Variants in COL16A1 observed in about 807,000 individuals in gnomAD.
COL16A1 encodes collagen type XVI alpha 1 chain.
A neutral mutation model predicts 266.3 loss-of-function variants in COL16A1; 189 were observed. The ratio of observed to expected loss-of-function variants is 0.71; its 90% CI spans 0.63 to 0.80. COL16A1 has a LOEUF of 0.80. Among genes scored for constraint, COL16A1 ranks in the 30% least tolerant of loss-of-function variants. The pLI is 0.00. For missense variants in COL16A1, 1,928 were observed against 2,122.4 expected, an observed-to-expected ratio of 0.91 and a Z score of 1.80; for synonymous variants, 740 against 782.3, an observed-to-expected ratio of 0.95 and a Z score of 0.90.
chr1:31,679,312 A>G, intron 42 of COL16A1: 1 of 1,166,268 alleles, frequency 8.6e-7, no homozygotes, highest in Non-Finnish European at 1.2e-6. Context: ...ATGTTGCATG[A>G]ATGAGTGTTG....
chr1:31,661,820 A>G, intron 58 of COL16A1, 116 bp from the exon 59 acceptor site: 8 of 1,150,186 alleles, frequency 7.0e-6, no homozygotes, highest in Non-Finnish European at 8.5e-6. Context: ...TGGAGGGAAG[A>G]ATCCAAGCCT....
intron 49 of COL16A1, among the ~76,000 whole-genome samples, chr1:31,669,579 G>A (rs543275986): frequency 6.6e-5 from 10 of 151,904 alleles, no homozygotes; most frequent in South Asian, 2.1e-4. Flanking sequence ...ATGGCTAGAC[G>A]GACAGATGGC....
chr1:31,692,288 C>T (rs1195035210), intron 16 of COL16A1, among the ~76,000 whole-genome samples, 186 bp downstream of exon 16: 1 of 151,536 alleles, frequency 6.6e-6, no homozygotes, highest in Admixed American at 6.6e-5. Flanking sequence ...TGGCATTTCC[C>T]TCTAGGTCGG....
In COL16A1 at chr1:31,685,001, A is replaced by T. The variant is rs563764602; in HGVS notation, c.2017-145T>A. The T allele has an allele frequency of 6.6e-6, 10 of 1,507,874 alleles. No homozygotes were observed. Among genetic ancestry groups the T allele is most frequent in the Non-Finnish European group, 9.0e-6 (10 of 1,113,688 alleles). 93.4% of individuals were successfully genotyped at this position (1,507,874 alleles called of 1,614,324 possible). A position where few individuals can be genotyped will look rare whatever the true frequency, so the allele number is the denominator to read the frequency against. ...TAGTGAAGCAATCTTGCCCAGGTGC[A>T]GAGCAAAGATTTGTGCCAGACTCTT... On this transcript the variant is annotated intron_variant, in intron 29 of 70. Transcript: ENST00000373672. The surrounding 1 kb of genome is among the most constrained non-coding windows in gnomAD (Gnocchi z 4.0).
chr1:31,664,928 C>T lies in COL16A1; in HGVS notation c.3555+244G>A, dbSNP rs2148680066. On this transcript the variant is annotated intron_variant, in intron 56 of 70. Coordinates refer to ENST00000373672, the MANE Select transcript of COL16A1 (RefSeq NM_001856.4). This position sits in a 1 kb window ranked among gnomAD's most constrained non-coding sequence, Gnocchi z 5.5. Reference sequence around the variant, plus strand: ...TCCCCCCATCACAGCAGACAAGGGCCTGGGCTGCACAGAGGCCGCAGGCAT... The same window carrying T: ...TCCCCCCATCACAGCAGACAAGGGCTTGGGCTGCACAGAGGCCGCAGGCAT... Among the ~76,000 whole-genome samples the T allele has an allele frequency of 6.6e-6, 1 of 152,316 alleles. No individual in the cohort carries two copies. The highest frequency in any genetic ancestry group is 1.9e-4 in the East Asian group (1 of 5,182).
Position 31,656,164 on chromosome 1 carries a change from G to T in COL16A1, c.4101+236C>A, listed in dbSNP as rs1199281712. 6 of 648,948 alleles carry T rather than the reference G, an allele frequency of 9.2e-6. No homozygotes were observed. Among genetic ancestry groups the T allele is most frequent in the African/African-American group, 3.7e-5 (2 of 54,078 alleles). The allele number at this position is 648,948 out of a possible 1,614,324, so 40.2% of individuals were successfully genotyped here. A position where few individuals can be genotyped will look rare whatever the true frequency, so the allele number is the denominator to read the frequency against. On this transcript the variant is annotated intron_variant, in intron 66 of 70. Transcript: ENST00000373672. This position sits in a 1 kb window ranked among gnomAD's most constrained non-coding sequence, Gnocchi z 4.2. The stretch of plus-strand genomic sequence containing the variant: ...GGAGTGCTCGGGAAATGGAAACAAT[G>T]AATGAATCAATCAGTCAATCAGTGA...
intron 17 of COL16A1, 100 bp downstream of exon 17, chr1:31,691,905 G>C: frequency 6.4e-7 from 1 of 1,568,910 alleles, no homozygotes; most frequent in Non-Finnish European, 8.7e-7. Context: ...TCCCCACCCT[G>C]TCTGAGCAAG....
intron 68 of COL16A1, 54 bp from the exon 69 acceptor site, chr1:31,654,097 G>C: frequency 6.4e-7 from 1 of 1,564,644 alleles, no homozygotes; most frequent in African/African-American, 1.4e-5. Context: ...CAGGGACTCA[G>C]AATGACTGCA....
chr1:31,696,052 G>A (rs1644484030), intron 9 of COL16A1, 36 bp downstream of exon 9: 1 of 1,576,754 alleles, frequency 6.3e-7, no homozygotes, highest in Non-Finnish European at 8.7e-7. Context: ...GGCAGACTGA[G>A]GGCAGGTAGG....
chr1:31,691,937 A>G (rs953810024), intron 17 of COL16A1, 68 bp downstream of exon 17: 1 of 1,608,124 alleles, frequency 6.2e-7, no homozygotes, highest in Admixed American at 1.7e-5. Flanking sequence ...GGATTCCCGA[A>G]GGTTAAATCC....
intron 47 of COL16A1, among the ~76,000 whole-genome samples, chr1:31,672,052 T>C (rs890838429): frequency 1.3e-5 from 2 of 152,072 alleles, no homozygotes; most frequent in East Asian, 3.9e-4. Context: ...GGATGTTGGA[T>C]GGTGATGAGT....
chr1:31,665,448 G>C, intron 55 of COL16A1, 135 bp downstream of exon 55: 10 of 1,527,644 alleles, frequency 6.5e-6, no homozygotes, highest in Non-Finnish European at 8.9e-6. Context: ...AATCAGGCCT[G>C]GCCACCCAGG....
rs1308018890 is a variant in COL16A1, at chr1:31,665,631, G to T, written c.3457-13C>A. 1 of 1,613,084 alleles carries T rather than the reference G, an allele frequency of 6.2e-7. No homozygotes were observed. The highest frequency in any genetic ancestry group is 1.1e-5 in the South Asian group (1 of 90,938). On this transcript the variant is annotated splice_polypyrimidine_tract_variant and intron_variant, in intron 54 of 70. Coordinates refer to ENST00000373672, the MANE Select transcript of COL16A1 (RefSeq NM_001856.4). Reference sequence around the variant, plus strand: ...GGCCTTGAAATCCCTAGGGTGAGAAGCAAGGGGCAGTGTGCTGTGCCACCC... The same window carrying T: ...GGCCTTGAAATCCCTAGGGTGAGAATCAAGGGGCAGTGTGCTGTGCCACCC...
At chr1:31,687,269 C>T (rs567228038) in intron 26 of COL16A1, among the ~76,000 whole-genome samples, 1 of 151,378 alleles carries the variant, frequency 6.6e-6, no homozygotes, top group South Asian at 2.1e-4. Context: ...GTAATCCCAG[C>T]TAATTGGGAG....
In COL16A1 at chr1:31,667,568, G is replaced by T. The variant is rs921304014; in HGVS notation, c.3357+7C>A. 1.3e-6 allele frequency: 2 copies of T among 1,592,134 alleles called. No homozygotes were observed. The highest frequency in any genetic ancestry group is 8.5e-7 in the Non-Finnish European group (1 of 1,170,134). On this transcript the variant is annotated splice_region_variant and intron_variant, in intron 52 of 70. Transcript: ENST00000373672. The stretch of plus-strand genomic sequence containing the variant: ...CCTGCATCCAGCCCCACGCCGCTGG[G>T]ACTCACCGGCTCTCCTTTCTCTCCC...
rs370330871 is a variant in COL16A1 at position 31,702,940 on chromosome 1, C to T, written c.-34-713G>A. Among the ~76,000 whole-genome samples, 5 of 152,208 alleles carry T rather than the reference C, an allele frequency of 3.3e-5. No homozygotes were observed. The East Asian group carries it at 9.7e-4, about 29-fold the overall frequency. ...CCCTGATGGATGGGCCCAGATAAAT[C>T]GATGCAGGCTCAGCAAGTGGCCAGC... On this transcript the variant is annotated intron_variant, in intron 1 of 70. Coordinates refer to ENST00000373672, the MANE Select transcript of COL16A1 (RefSeq NM_001856.4).
intron 22 of COL16A1, 49 bp downstream of exon 22, chr1:31,690,318 A>AG (rs1444492114): frequency 1.2e-6 from 2 of 1,611,608 alleles, no homozygotes; most frequent in African/African-American, 2.7e-5. Context: ...ATGTGCAGAA[A>AG]GGGGGTCCCG....
chr1:31,688,390 T>C lies in COL16A1; in HGVS notation c.1803+77A>G, dbSNP rs1468507170. 2.0e-6 allele frequency: 3 copies of C among 1,504,922 alleles called. No individual in the cohort carries two copies. Among genetic ancestry groups the C allele is most frequent in the African/African-American group, 1.4e-5 (1 of 72,786 alleles). 93.2% of individuals were successfully genotyped at this position (1,504,922 alleles called of 1,614,324 possible). A position where few individuals can be genotyped will look rare whatever the true frequency, so the allele number is the denominator to read the frequency against. On this transcript the variant is annotated intron_variant, in intron 26 of 70. Coordinates refer to ENST00000373672, the MANE Select transcript of COL16A1 (RefSeq NM_001856.4). This position sits in a 1 kb window ranked among gnomAD's most constrained non-coding sequence, Gnocchi z 4.9. ...GAATCTCTTGTTTATATTACCCTTA[T>C]TCCCCGCCCGCACCACTCCTCCCCT...
intron 31 of COL16A1, 41 bp downstream of exon 31, chr1:31,684,482 T>C: frequency 6.3e-7 from 1 of 1,589,342 alleles, no homozygotes. Context: ...ATTTTTTTTA[T>C]GCAACAAACT....
Sources: allele counts gnomAD v4.1 joint callset (sites outside exome capture counted in the v4.1 genomes callset), GRCh38; gene constraint gnomAD v4.1.1; non-coding constraint Gnocchi (gnomAD v3.1); transcripts MANE v1.5; gene names NCBI Gene and HGNC (gene_info 2026-07-23, HGNC 2026-07-21).